The following KIF16B variants were observed in gnomAD, a reference collection of about 807,000 sequenced individuals.
KIF16B encodes the protein kinesin-like protein KIF16B.
Under a neutral mutation model 156.3 loss-of-function variants are expected in KIF16B, and 98 were observed. The observed-to-expected ratio is 0.63, with a 90% CI of 0.53 to 0.74. The LOEUF is 0.74. KIF16B is among the 30% of genes least tolerant of loss of function. The probability of loss-of-function intolerance (pLI) is 0.00; values close to 1 mark genes in which losing one functional copy is unlikely to be tolerated. For missense variants in KIF16B, 1,421 were observed against 1,606.5 expected (o/e 0.88, Z 1.97); for synonymous variants, 564 against 583.7 (o/e 0.97, Z 0.49).
At chr20:16,440,535 A>G (rs6043947) in intron 12 of KIF16B, among the ~76,000 whole-genome samples, 413 of 2,528 alleles carry the variant, frequency 0.16, 9 homozygotes, top group African/African-American at 0.37. Flanking sequence ...AAGCGCGCGC[A>G]CACACACACA....
rs772120332 is a variant in KIF16B at position 16,528,415 on chromosome 20, T to C, written c.73A>G (p.Ile25Val). ...RREKDLEAKFIIQMEKSKTTI... is the reference protein window; with the variant it reads ...RREKDLEAKFVIQMEKSKTTI... Reference sequence around the variant, plus strand: ...GTTTTGCTTTTCTCCATCTGAATAATGAACTTGGCCTCCAAGTCCTTTTCC... The same window carrying C: ...GTTTTGCTTTTCTCCATCTGAATAACGAACTTGGCCTCCAAGTCCTTTTCC... The change falls in exon 2 of 26, where the codon ATT becomes GTT. Residue 25 changes from isoleucine (I) to valine (V), a missense_variant. Transcript: ENST00000354981. 7 of 1,613,788 alleles carry C rather than the reference T, an allele frequency of 4.3e-6. No individual in the cohort carries two copies. Among genetic ancestry groups the C allele is most frequent in the South Asian group, 3.3e-5 (3 of 91,076 alleles).
intron 12 of KIF16B, among the ~76,000 whole-genome samples, chr20:16,464,334 G>T (rs2067428403): frequency 6.6e-6 from 1 of 152,052 alleles, no homozygotes; most frequent in Admixed American, 6.6e-5. Flanking sequence ...AATTTTATAT[G>T]ACAAATTGGA....
At chr20:16,466,609 T>A (rs894625267) in intron 12 of KIF16B, among the ~76,000 whole-genome samples, 1 of 152,228 alleles carries the variant, frequency 6.6e-6, no homozygotes, top group African/African-American at 2.4e-5. Flanking sequence ...TCCTTTGCCT[T>A]CTGCCACGAT....
rs2065061256 is a variant in KIF16B, at chr20:16,380,175, A to G, written c.1839-12T>C. 2 of 1,500,942 alleles carry G rather than the reference A, an allele frequency of 1.3e-6. No homozygotes were observed. The highest frequency in any genetic ancestry group is 2.5e-5 in the Admixed American group (1 of 40,628). The allele number at this position is 1,500,942 out of a possible 1,614,324, so 93.0% of individuals were successfully genotyped here. A position where few individuals can be genotyped will look rare whatever the true frequency, so the allele number is the denominator to read the frequency against. On this transcript the variant is annotated splice_polypyrimidine_tract_variant and intron_variant, in intron 18 of 25. Coordinates refer to ENST00000354981, the MANE Select transcript of KIF16B (RefSeq NM_024704.5). The stretch of plus-strand genomic sequence containing the variant: ...CTTCTATGAGTTTCCTGAAATGCAA[A>G]GCACTGACTGGTTGTTATCTGGTCA...
At chr20:16,557,353 T>C (rs1600695190) in intron 1 of KIF16B, among the ~76,000 whole-genome samples, 1 of 151,920 alleles carries the variant, frequency 6.6e-6, no homozygotes, top group African/African-American at 2.4e-5. Context: ...CTAATTTTTG[T>C]AATTTTAGTA....
rs186888501 is a variant in KIF16B at position 16,340,960 on chromosome 20, C to T, written c.3622-4945G>A. The stretch of plus-strand genomic sequence containing the variant: ...GACAGCAAGAAGAAGATAAAATCCC[C>T]GTCTAAGAATGTTCCCCCAAAAGCA... On this transcript the variant is annotated intron_variant, in intron 23 of 25. Coordinates refer to ENST00000354981, the MANE Select transcript of KIF16B (RefSeq NM_024704.5). Among the ~76,000 whole-genome samples the T allele has an allele frequency of 3.3e-5, 5 of 152,156 alleles. No individual in the cohort carries two copies. The East Asian group carries it at 5.8e-4, about 18-fold the overall frequency.
chr20:16,286,686 C>G (rs2063227192), intron 25 of KIF16B, among the ~76,000 whole-genome samples: 1 of 152,048 alleles, frequency 6.6e-6, no homozygotes, highest in Admixed American at 6.6e-5. Flanking sequence ...CCATTTCTGC[C>G]CAATACAAAC....
intron 12 of KIF16B, among the ~76,000 whole-genome samples, chr20:16,489,595 G>C (rs6044018): frequency 0.017 from 2,551 of 152,134 alleles, 70 homozygotes; most frequent in African/African-American, 0.059. Flanking sequence ...TACCTGGGAG[G>C]CTGAGGTGGG....
intron 22 of KIF16B, among the ~76,000 whole-genome samples, chr20:16,360,279 T>C (rs2064526952): frequency 1.3e-5 from 2 of 152,200 alleles, no homozygotes; most frequent in African/African-American, 2.4e-5. Flanking sequence ...CTCTTAAATT[T>C]ATTTTTGATT....
At chr20:16,400,896 A>AC (rs2065638435) in intron 17 of KIF16B, among the ~76,000 whole-genome samples, 3 of 152,220 alleles carry the variant, frequency 2.0e-5, no homozygotes, top group African/African-American at 7.2e-5. Flanking sequence ...TTAGTTTGGC[A>AC]AGACGAAACT....
intron 1 of KIF16B, among the ~76,000 whole-genome samples, chr20:16,555,061 C>T (rs1242998713): frequency 6.6e-6 from 1 of 152,220 alleles, no homozygotes; most frequent in Non-Finnish European, 1.5e-5. Flanking sequence ...ACAGAATGAG[C>T]CTGAGCAAAA....
intron 12 of KIF16B, among the ~76,000 whole-genome samples, chr20:16,447,828 A>G (rs2066974803): frequency 6.6e-6 from 1 of 152,142 alleles, no homozygotes. Flanking sequence ...TTGACAAGCC[A>G]GGCATGGTGG....
At chr20:16,518,513 G>C (rs566169276) in intron 3 of KIF16B, among the ~76,000 whole-genome samples, 1 of 152,206 alleles carries the variant, frequency 6.6e-6, no homozygotes, top group Admixed American at 6.5e-5. Context: ...ATAAAAACTC[G>C]CTCATCGGGC....
intron 25 of KIF16B, among the ~76,000 whole-genome samples, chr20:16,308,439 G>A (rs1441429674): frequency 6.6e-6 from 1 of 152,158 alleles, no homozygotes; most frequent in Non-Finnish European, 1.5e-5. Flanking sequence ...TTTTTCAACA[G>A]CAATGGCCTT....
At chr20:16,353,579 AG>A (rs916714115) in intron 23 of KIF16B, among the ~76,000 whole-genome samples, 5 of 142,754 alleles carry the variant, frequency 3.5e-5, no homozygotes, top group Admixed American at 1.4e-4. Flanking sequence ...CAACCCAATG[AG>A]GGGGGGGTTT....
In KIF16B at chr20:16,573,407, C is replaced by T. The variant is rs913251127; in HGVS notation, c.-132G>A. The T allele has an allele frequency of 4.1e-5, 42 of 1,035,192 alleles. No homozygotes were observed. In the East Asian group the frequency reaches 1.0e-3, roughly 25 times the overall value. 64.1% of individuals were successfully genotyped at this position (1,035,192 alleles called of 1,614,324 possible). A position where few individuals can be genotyped will look rare whatever the true frequency, so the allele number is the denominator to read the frequency against. ...CCCGCCCCTCTGCTCCCGGCCGGAC[C>T]TGGAGTTCCGCGGCAGCCCCACCTG... is the stretch of plus-strand genomic sequence containing the variant. On this transcript the variant is annotated 5_prime_UTR_variant, in exon 1 of 26. Transcript: ENST00000354981.
intron 12 of KIF16B, among the ~76,000 whole-genome samples, chr20:16,485,633 A>G (rs1239833205): frequency 6.6e-6 from 1 of 152,220 alleles, no homozygotes; most frequent in Non-Finnish European, 1.5e-5. Flanking sequence ...TCATTCCTCC[A>G]AACAACTTCT....
intron 1 of KIF16B, among the ~76,000 whole-genome samples, chr20:16,566,004 G>C (rs965771870): frequency 6.6e-6 from 1 of 152,232 alleles, no homozygotes; most frequent in South Asian, 2.1e-4. Context: ...AGGTGCAAAC[G>C]CACCAAAAGT....
At chr20:16,430,713 G>A (rs1250782691) in intron 12 of KIF16B, among the ~76,000 whole-genome samples, 2 of 151,696 alleles carry the variant, frequency 1.3e-5, no homozygotes, top group Non-Finnish European at 2.9e-5. Flanking sequence ...CTCTCCTGAT[G>A]GTCTCCTTCT....
Sources: gnomAD v4.1 joint callset for allele counts (sites outside exome capture counted in the v4.1 genomes callset) on GRCh38, gnomAD v4.1.1 for gene constraint, MANE v1.5 for transcripts, NCBI Gene and HGNC (gene_info 2026-07-23, HGNC 2026-07-21) for gene names.